Variants in TRMT44 observed in about 807,000 individuals in gnomAD.
TRMT44 encodes probable tRNA (uracil-O(2)-)-methyltransferase.
In TRMT44, 78 loss-of-function variants were observed where a neutral mutation model predicts 77.3. The observed-to-expected ratio is 1.01, with a 90% CI of 0.84 to 1.22. The LOEUF (loss-of-function observed/expected upper bound fraction) is 1.22. Ranked by LOEUF, TRMT44 falls within the 50% of genes most tolerant of loss-of-function variation. The probability of loss-of-function intolerance (pLI) is 0.00; values close to 1 mark genes in which losing one functional copy is unlikely to be tolerated. For synonymous variants in TRMT44, 391 were observed against 383.3 expected (o/e 1.02, Z -0.23); for missense variants, 1,090 against 964.4 (o/e 1.13, Z -1.73).
intron 2 of TRMT44, 131 bp from the exon 3 acceptor site, chr4:8,449,538 C>T: frequency 1.5e-6 from 1 of 661,842 alleles, no homozygotes; most frequent in African/African-American, 1.8e-5. Context: ...GTAACTAGTT[C>T]TAGTTCGTTT....
intron 2 of TRMT44, among the ~76,000 whole-genome samples, chr4:8,447,293 G>A (rs1725116599): frequency 6.6e-6 from 1 of 152,190 alleles, no homozygotes; most frequent in Non-Finnish European, 1.5e-5. Flanking sequence ...AATTCCATAT[G>A]GTATTTGGGC....
chr4:8,474,080 G>A (rs1190281750), intron 10 of TRMT44, among the ~76,000 whole-genome samples: 4 of 152,192 alleles, frequency 2.6e-5, no homozygotes, highest in Non-Finnish European at 5.9e-5. Flanking sequence ...TTGTGGTGGG[G>A]AAGGGGGTGC....
chr4:8,516,553 G>GA, the TRMT44 span, among the ~76,000 whole-genome samples: 4 of 152,198 alleles, frequency 2.6e-5, no homozygotes, highest in African/African-American at 4.8e-5. Context: ...GTCAAGGTGG[G>GA]AGGATGGCTT....
intron 2 of TRMT44, among the ~76,000 whole-genome samples, chr4:8,489,320 C>T (rs2109229898): frequency 6.6e-6 from 1 of 152,302 alleles, no homozygotes. Context: ...AGTGAAACAC[C>T]TATGCAAAAA....
At chr4:8,456,952 C>A (rs551002590) in intron 6 of TRMT44, among the ~76,000 whole-genome samples, 4 of 151,774 alleles carry the variant, frequency 2.6e-5, no homozygotes, top group African/African-American at 9.7e-5. Context: ...TTTGGGAGCC[C>A]AAGGCTGGAG....
rs368181097 is a variant in TRMT44, at chr4:8,483,417, T to TGGG, written n.3891+3891_3891+3893dup. ...AGATAGTAGGGTTGACAAGTTTTTT[T>TGGG]GGGGGGGGGCACGGTCTAAGTTGGT... On this transcript the variant is annotated intron_variant and non_coding_transcript_variant, in intron 2 of 2. Coordinates refer to the TRMT44 transcript ENST00000511366. Among the ~76,000 whole-genome samples the TGGG allele has an allele frequency of 1.9e-4, 29 of 150,166 alleles. No individual in the cohort carries two copies. The South Asian group carries it at 2.1e-3, about 11-fold the overall frequency.
In TRMT44 at chr4:8,452,819, C is replaced by T. The variant is rs750905347; in HGVS notation, c.1024-63C>T. The T allele has an allele frequency of 7.9e-5, 72 of 916,688 alleles. No individual in the cohort carries two copies. Among genetic ancestry groups the T allele is most frequent in the Non-Finnish European group, 1.1e-4 (69 of 623,384 alleles). 56.8% of individuals were successfully genotyped at this position (916,688 alleles called of 1,614,324 possible). ...AGAGTTTTCTTTGACCAGTTTGTGTCTAAATTATTCTTGCGTAGAGTGAAT... is the reference window on the plus strand; with the variant it reads ...AGAGTTTTCTTTGACCAGTTTGTGTTTAAATTATTCTTGCGTAGAGTGAAT... On this transcript the variant is annotated intron_variant, in intron 4 of 10. Coordinates refer to ENST00000389737, the MANE Select transcript of TRMT44 (RefSeq NM_152544.3). This position sits in a 1 kb window ranked among gnomAD's most constrained non-coding sequence, Gnocchi z 5.7.
rs929522431 is a variant in TRMT44 at position 8,444,708 on chromosome 4, A to G, written c.620-1768A>G. Among the ~76,000 whole-genome samples the G allele has an allele frequency of 1.2e-4, 18 of 152,178 alleles. No individual in the cohort carries two copies. Among genetic ancestry groups the G allele is most frequent in the African/African-American group, 4.1e-4 (17 of 41,432 alleles). On this transcript the variant is annotated intron_variant, in intron 1 of 10. Coordinates refer to ENST00000389737, the MANE Select transcript of TRMT44 (RefSeq NM_152544.3). This position sits in a 1 kb window ranked among gnomAD's most constrained non-coding sequence, Gnocchi z 4.0. ...CCACCTCTCCCGGCCACTATTGTACATTTTTAAATAACGAAAAGAGTGTAA... is the reference window on the plus strand; with the variant it reads ...CCACCTCTCCCGGCCACTATTGTACGTTTTTAAATAACGAAAAGAGTGTAA...
rs1726717726 is a variant in TRMT44, at chr4:8,468,042, TTC to T, written c.1626_1627del (p.Pro543ThrfsTer12). 6.2e-7 allele frequency: 1 copy of T among 1,614,022 alleles called. No homozygotes were observed. The highest frequency in any genetic ancestry group is 8.5e-7 in the Non-Finnish European group (1 of 1,180,044). On this transcript the variant is annotated frameshift_variant, in exon 9 of 11. Coordinates refer to ENST00000389737, the MANE Select transcript of TRMT44 (RefSeq NM_152544.3). LOFTEE classifies it high-confidence loss of function. ...GCCCACCTGGCTGGGAGCTTTCCCC[TTC>T]TCCACGCTGGGTTGCTGCTGGCAGT... ...VSPPGWELSP[S>X]PRWVAAGSAG...
chr4:8,472,585 C>T (rs565801757), intron 10 of TRMT44, among the ~76,000 whole-genome samples: 183 of 152,368 alleles, frequency 1.2e-3, no homozygotes, highest in African/African-American at 4.0e-3. Flanking sequence ...TGCACACACA[C>T]ACACTGCCTT....
At chr4:8,485,806 G>C (rs577414027) in intron 2 of TRMT44, among the ~76,000 whole-genome samples, 1 of 152,150 alleles carries the variant, frequency 6.6e-6, no homozygotes, top group African/African-American at 2.4e-5. Flanking sequence ...AAAGAGTGTT[G>C]TCCAAGTTGG....
chr4:8,458,829 C>G (rs181236920), intron 6 of TRMT44, among the ~76,000 whole-genome samples: 1 of 152,096 alleles, frequency 6.6e-6, no homozygotes, highest in Admixed American at 6.5e-5. Context: ...GTGTTTTAAT[C>G]GACTTTTATG....
intron 2 of TRMT44, among the ~76,000 whole-genome samples, chr4:8,491,500 A>G (rs1184913004): frequency 6.6e-6 from 1 of 152,204 alleles, no homozygotes; most frequent in Non-Finnish European, 1.5e-5. Context: ...ACAGGAGCCC[A>G]TGGAGTGGGT....
intron 8 of TRMT44, 57 bp downstream of exon 8, chr4:8,465,618 C>T (rs916197047): frequency 6.8e-6 from 10 of 1,465,680 alleles, no homozygotes; most frequent in Middle Eastern, 1.8e-4. Context: ...ATGGAGAGCT[C>T]AGGGCTCTGC....
In TRMT44 at chr4:8,465,434, G is replaced by A; in HGVS notation, c.1367G>A (p.Gly456Glu). ...VLPCCFFDFIGRYSRRQSKKT... is the reference protein window; with the variant it reads ...VLPCCFFDFIERYSRRQSKKT... ...CCCTGCTGCTTCTTTGACTTCATTGGAAGATACTCCCGGAGGCAGAGTAAG... is the reference window on the plus strand; with the variant it reads ...CCCTGCTGCTTCTTTGACTTCATTGAAAGATACTCCCGGAGGCAGAGTAAG... Residue 456 changes from glycine to glutamate, a missense_variant, in exon 8 of 11, where the codon GGA becomes GAA. Gly to Glu is a moderately conservative substitution (Grantham distance 98, BLOSUM62 -2). Coordinates refer to ENST00000389737, the MANE Select transcript of TRMT44 (RefSeq NM_152544.3). 1 of 1,614,040 alleles carries A rather than the reference G, an allele frequency of 6.2e-7. No homozygotes were observed. Among genetic ancestry groups the A allele is most frequent in the South Asian group, 1.1e-5 (1 of 91,066 alleles).
Position 8,467,943 on chromosome 4 carries a change from C to T in TRMT44, c.1524C>T (p.Tyr508=), listed in dbSNP as rs1246253655. Residue 508 remains tyrosine, a synonymous_variant, in exon 9 of 11, where the codon TAC becomes TAT. Transcript: ENST00000389737. ...RVCLVGKSRT[Y]PSSREASVDE... ...GTCTCGTTGGAAAATCCAGAACATA[C>T]CCTTCCTCCAGAGAAGCTTCCGTGG... 2 of 1,612,824 alleles carry T rather than the reference C, an allele frequency of 1.2e-6. No individual in the cohort carries two copies. The highest frequency in any genetic ancestry group is 1.1e-5 in the South Asian group (1 of 91,054).
chr4:8,513,215 A>G, the TRMT44 span, among the ~76,000 whole-genome samples: 2 of 152,248 alleles, frequency 1.3e-5, no homozygotes, highest in Non-Finnish European at 2.9e-5. Context: ...ACAGTTCCAC[A>G]TGGCTATGGA....
intron 2 of TRMT44, among the ~76,000 whole-genome samples, chr4:8,481,721 G>C (rs1727619609): frequency 6.6e-6 from 1 of 152,158 alleles, no homozygotes. Flanking sequence ...CATTAGCCTA[G>C]GCTAGGCCTA....
chr4:8,451,375 A>C lies in TRMT44; in HGVS notation c.955-585A>C, dbSNP rs1452243015. Among the ~76,000 whole-genome samples, 1 of 152,178 alleles carries C rather than the reference A, an allele frequency of 6.6e-6. No homozygotes were observed. Among genetic ancestry groups the C allele is most frequent in the Non-Finnish European group, 1.5e-5 (1 of 68,030 alleles). On this transcript the variant is annotated intron_variant, in intron 3 of 10. Transcript: ENST00000389737. The surrounding 1 kb of genome is among the most constrained non-coding windows in gnomAD (Gnocchi z 4.1). ...GAAATTTCAACTTTTAACATTGGCCATTGGTTTTTCCTGTTTTGCCTAATG... is the reference window on the plus strand; with the variant it reads ...GAAATTTCAACTTTTAACATTGGCCCTTGGTTTTTCCTGTTTTGCCTAATG...
Sources: allele counts gnomAD v4.1 joint callset (sites outside exome capture counted in the v4.1 genomes callset), GRCh38; gene constraint gnomAD v4.1.1; non-coding constraint Gnocchi (gnomAD v3.1); transcripts MANE v1.5; gene names NCBI Gene and HGNC (gene_info 2026-07-23, HGNC 2026-07-21).